Variants in WWOX observed in about 807,000 individuals in gnomAD.
WWOX encodes WW domain-containing oxidoreductase.
Under a neutral mutation model 46.2 loss-of-function variants are expected in WWOX, and 69 were observed. That is an observed-to-expected ratio of 1.49 (90% CI 1.23 to 1.82). The LOEUF is 1.82. Among genes scored for constraint, WWOX ranks in the 40% most tolerant of loss-of-function variants. The pLI is 0.00. For missense variants in WWOX, 919 were observed against 542.6 expected, an observed-to-expected ratio of 1.69 and a Z score of -6.89; for synonymous variants, 359 against 202.6, an observed-to-expected ratio of 1.77 and a Z score of -6.56.
At chr16:78,454,369 TGTG>T (rs1404755793) in intron 8 of WWOX, among the ~76,000 whole-genome samples, 2 of 151,198 alleles carry the variant, frequency 1.3e-5, no homozygotes. Context: ...TGTGTGTGTG[TGTG>T]TGTGTGTGTA....
In WWOX at chr16:78,485,309, G is replaced by T. The variant is rs563314205; in HGVS notation, c.1056+52557G>T. Among the ~76,000 whole-genome samples the T allele has an allele frequency of 3.9e-5, 6 of 152,114 alleles. No individual in the cohort carries two copies. In the East Asian group the frequency reaches 7.8e-4, roughly 20 times the overall value. ...CATGTTCATTGAAAATGATCTTTTG[G>T]GTGGTTGATGTTCGATTTTGGCTCT... is the stretch of plus-strand genomic sequence containing the variant. On this transcript the variant is annotated intron_variant, in intron 8 of 8. Transcript: ENST00000566780.
intron 6 of WWOX, among the ~76,000 whole-genome samples, chr16:78,394,636 A>C (rs545140351): frequency 1.3e-5 from 2 of 152,268 alleles, no homozygotes; most frequent in Non-Finnish European, 2.9e-5. Context: ...GTAAGGGGCC[A>C]GAGAGTGAAT....
At chr16:78,308,562 A>G (rs560966706) in intron 5 of WWOX, among the ~76,000 whole-genome samples, 16 of 152,324 alleles carry the variant, frequency 1.1e-4, no homozygotes, top group Non-Finnish European at 1.6e-4. Flanking sequence ...ACCCCAAAAT[A>G]TATTTCTCTG....
intron 8 of WWOX, among the ~76,000 whole-genome samples, chr16:79,052,572 C>A (rs569370915): frequency 1.4e-4 from 21 of 152,316 alleles, no homozygotes; most frequent in African/African-American, 4.6e-4. Context: ...GAAAATGTGG[C>A]CTTTGCCTCT....
intron 8 of WWOX, among the ~76,000 whole-genome samples, chr16:79,136,073 C>G (rs1271112666): frequency 4.6e-5 from 7 of 152,228 alleles, no homozygotes. Flanking sequence ...TCTGAATGCA[C>G]AGTGAATTTG....
intron 8 of WWOX, among the ~76,000 whole-genome samples, chr16:78,957,275 C>T (rs547087169): frequency 1.3e-5 from 2 of 152,182 alleles, no homozygotes. Flanking sequence ...TACCGACATG[C>T]GTGACGACCA....
chr16:78,356,208 A>G (rs1017775060), intron 5 of WWOX, among the ~76,000 whole-genome samples: 1 of 152,034 alleles, frequency 6.6e-6, no homozygotes, highest in Non-Finnish European at 1.5e-5. Context: ...ATAAAAATGC[A>G]TATATGTATA....
chr16:78,884,675 G>A (rs1317878700), intron 8 of WWOX, among the ~76,000 whole-genome samples: 7 of 152,186 alleles, frequency 4.6e-5, no homozygotes, highest in Non-Finnish European at 1.0e-4. Context: ...GGTAGAGGAT[G>A]GATGGGAGCA....
chr16:78,262,896 A>G (rs953851637), intron 5 of WWOX, among the ~76,000 whole-genome samples: 1 of 152,142 alleles, frequency 6.6e-6, no homozygotes, highest in Non-Finnish European at 1.5e-5. Context: ...CTGAGAAGCT[A>G]TTTGCAGCAT....
At chr16:79,174,399 A>T (rs2050759600) in intron 8 of WWOX, among the ~76,000 whole-genome samples, 1 of 152,232 alleles carries the variant, frequency 6.6e-6, no homozygotes, top group Admixed American at 6.5e-5. Context: ...CTGTAATCCC[A>T]GCTCTTTGGG....
intron 8 of WWOX, among the ~76,000 whole-genome samples, chr16:78,882,744 C>T (rs1281965188): frequency 3.3e-5 from 5 of 151,808 alleles, no homozygotes; most frequent in Non-Finnish European, 7.4e-5. Flanking sequence ...CCGCTTCAGC[C>T]TCTTAAAATT....
chr16:78,668,583 G>A (rs371689184), intron 8 of WWOX, among the ~76,000 whole-genome samples: 1 of 152,304 alleles, frequency 6.6e-6, no homozygotes, highest in East Asian at 1.9e-4. Context: ...ACCAAGAGAG[G>A]TAGGTGAGAG....
intron 8 of WWOX, among the ~76,000 whole-genome samples, chr16:79,020,497 A>G (rs1423689260): frequency 6.6e-6 from 1 of 152,228 alleles, no homozygotes; most frequent in Non-Finnish European, 1.5e-5. Flanking sequence ...GGAGGATTAA[A>G]TGCAACAGTA....
At chr16:78,193,397 T>C (rs946447616) in intron 5 of WWOX, among the ~76,000 whole-genome samples, 1 of 152,200 alleles carries the variant, frequency 6.6e-6, no homozygotes, top group Non-Finnish European at 1.5e-5. Flanking sequence ...ACATACATGT[T>C]GAAAATTTCA....
At chr16:78,597,141 T>G (rs2045510688) in intron 8 of WWOX, among the ~76,000 whole-genome samples, 1 of 152,162 alleles carries the variant, frequency 6.6e-6, no homozygotes, top group African/African-American at 2.4e-5. Flanking sequence ...TTTGTTTATT[T>G]TAGCCGGTGC....
intron 8 of WWOX, among the ~76,000 whole-genome samples, chr16:78,565,892 T>C (rs2044552508): frequency 6.7e-6 from 1 of 148,924 alleles, no homozygotes; most frequent in Non-Finnish European, 1.5e-5. Context: ...CATCACATTT[T>C]TCATCCCCCG....
At chr16:78,315,009 C>T (rs989681999) in intron 5 of WWOX, among the ~76,000 whole-genome samples, 9 of 152,306 alleles carry the variant, frequency 5.9e-5, no homozygotes, top group Non-Finnish European at 7.4e-5. Flanking sequence ...TGTCCTGATA[C>T]TTCCTCAGCA....
chr16:78,262,060 G>T (rs2079255855), intron 5 of WWOX, among the ~76,000 whole-genome samples: 1 of 123,842 alleles, frequency 8.1e-6, no homozygotes, highest in Non-Finnish European at 1.6e-5. Context: ...ATTGCGCTCT[G>T]CTCCAGCCTG....
At position 78,570,685 on chromosome 16, in the gene WWOX, C is replaced by T. The variant is rs1238209947; in HGVS notation, c.1056+137933C>T. On this transcript the variant is annotated intron_variant, in intron 8 of 8. Transcript: ENST00000566780. Reference sequence around the variant, plus strand: ...AAGCTTCTGAAGACACAAAGGTGAACCCCAGACAAGCCAGGTTTACAGAGT... The same window carrying T: ...AAGCTTCTGAAGACACAAAGGTGAATCCCAGACAAGCCAGGTTTACAGAGT... Among the ~76,000 whole-genome samples, 7 of 152,196 alleles carry T rather than the reference C, an allele frequency of 4.6e-5. 1 individual carries two copies. The South Asian group carries it at 1.0e-3, about 23-fold the overall frequency.
Sources: allele counts gnomAD v4.1 joint callset (sites outside exome capture counted in the v4.1 genomes callset), GRCh38; gene constraint gnomAD v4.1.1; transcripts MANE v1.5; gene names NCBI Gene and HGNC (gene_info 2026-07-23, HGNC 2026-07-21).